The following STK4 variants were observed in gnomAD, a reference collection of about 807,000 sequenced individuals.
STK4 encodes serine/threonine kinase 4, also known as serine/threonine-protein kinase 4.
Under a neutral mutation model 64.9 loss-of-function variants are expected in STK4, and 30 were observed. That is an observed-to-expected ratio of 0.46 (90% confidence interval 0.35 to 0.63). The LOEUF (loss-of-function observed/expected upper bound fraction) is 0.63. STK4 is among the 20% of genes least tolerant of loss of function. The pLI is 0.01. For missense variants in STK4, 466 were observed against 598.5 expected, an observed-to-expected ratio of 0.78 and a Z score of 2.31; for synonymous variants, 177 against 199.0, an observed-to-expected ratio of 0.89 and a Z score of 0.93.
chr20:45,011,582 T>C (rs1360939721), intron 9 of STK4, among the ~76,000 whole-genome samples: 1 of 151,642 alleles, frequency 6.6e-6, no homozygotes, highest in Non-Finnish European at 1.5e-5. Context: ...TGTAGCATGG[T>C]ACCATGCATA....
chr20:45,041,340 T>C (rs927802048), intron 10 of STK4, among the ~76,000 whole-genome samples: 2 of 152,178 alleles, frequency 1.3e-5, no homozygotes, highest in African/African-American at 4.8e-5. Context: ...GACAAATACA[T>C]GTATGTTTGT....
At position 44,995,227 on chromosome 20, in the gene STK4, GC is replaced by G. The variant is rs749836917; in HGVS notation, c.668del (p.Pro223LeufsTer8). The G allele has an allele frequency of 6.2e-7, 1 of 1,613,356 alleles. No individual in the cohort carries two copies. The highest frequency in any genetic ancestry group is 8.5e-7 in the Non-Finnish European group (1 of 1,179,630). On this transcript the variant is annotated frameshift_variant, in exon 6 of 11. Coordinates refer to ENST00000372806, the MANE Select transcript of STK4 (RefSeq NM_006282.5). LOFTEE classifies it high-confidence loss of function. The stretch of plus-strand genomic sequence containing the variant: ...CTGCCATAGAAATGGCTGAAGGAAA[GC>G]CCCCTTATGCTGATATCCATCCAAT... The part of the protein sequence containing the change: ...ITAIEMAEGK[P>X]PYADIHPMRA...
rs1017928393 is a variant in STK4, at chr20:45,046,663, C to CT, written c.1305+21544dup. Among the ~76,000 whole-genome samples, 68 of 145,426 alleles carry CT rather than the reference C, an allele frequency of 4.7e-4. 2 individuals are homozygous for CT. The South Asian group carries it at 6.4e-3, about 14-fold the overall frequency. On this transcript the variant is annotated intron_variant, in intron 10 of 10. Coordinates refer to ENST00000372806, the MANE Select transcript of STK4 (RefSeq NM_006282.5). ...TGGGCTTTTCTGCTAATTTGCTTTT[C>CT]TTTTTTTTTTTAAATTTATTTATTT...
At chr20:44,999,913 C>T (rs558220650) in intron 7 of STK4, among the ~76,000 whole-genome samples, 1 of 152,324 alleles carries the variant, frequency 6.6e-6, no homozygotes, top group South Asian at 2.1e-4. Flanking sequence ...TTTTGCATAT[C>T]TCTTGAAAAC....
chr20:45,034,627 CA>C (rs150358455), intron 10 of STK4, among the ~76,000 whole-genome samples: 3,806 of 152,038 alleles, frequency 0.025, 139 homozygotes, highest in African/African-American at 0.082. Context: ...AAGAATAGAA[CA>C]TAGGCCAGGT....
intron 10 of STK4, among the ~76,000 whole-genome samples, chr20:45,063,421 A>G (rs887082451): frequency 6.6e-6 from 1 of 152,140 alleles, no homozygotes; most frequent in Non-Finnish European, 1.5e-5. Flanking sequence ...TCCTCTGCCC[A>G]CTTTTTAACA....
At chr20:45,027,461 A>G (rs1434224297) in intron 10 of STK4, among the ~76,000 whole-genome samples, 1 of 151,496 alleles carries the variant, frequency 6.6e-6, no homozygotes, top group Admixed American at 6.6e-5. Context: ...GAAGTTAGCA[A>G]TTTTGAAAAC....
intron 4 of STK4, among the ~76,000 whole-genome samples, chr20:44,984,985 A>G (rs2067507462): frequency 6.6e-6 from 1 of 152,048 alleles, no homozygotes; most frequent in Non-Finnish European, 1.5e-5. Context: ...ATTAAAAATT[A>G]TATTTGTGGT....
rs1015102283 is a variant in STK4, at chr20:45,075,580, C to T, written c.*404C>T. On this transcript the variant is annotated 3_prime_UTR_variant, in exon 11 of 11. Transcript: ENST00000372806. ...ATATAAATTATAAATAGATTCCCCA[C>T]GCAGTGTGGTGGCATCTCTGTACAG... The T allele has an allele frequency of 2.0e-5, 3 of 153,576 alleles. No homozygotes were observed. Among genetic ancestry groups the T allele is most frequent in the African/African-American group, 4.8e-5 (2 of 41,416 alleles). The allele number at this position is 153,576 out of a possible 1,614,324, so 9.5% of individuals were successfully genotyped here.
At chr20:45,057,756 G>A (rs1044470283) in intron 10 of STK4, among the ~76,000 whole-genome samples, 3 of 152,182 alleles carry the variant, frequency 2.0e-5, no homozygotes, top group Non-Finnish European at 4.4e-5. Context: ...TTACTGCTAG[G>A]AGTATAGTGT....
intron 2 of STK4, among the ~76,000 whole-genome samples, chr20:44,977,171 C>T (rs372426884): frequency 7.2e-5 from 11 of 152,196 alleles, no homozygotes; most frequent in African/African-American, 2.6e-4. Flanking sequence ...TCAACAGTTG[C>T]CTCTCTCTGG....
Position 45,075,475 on chromosome 20 carries a change from T to C in STK4, c.*299T>C, listed in dbSNP as rs746385066. On this transcript the variant is annotated 3_prime_UTR_variant, in exon 11 of 11. Transcript: ENST00000372806. ...GAGTGATAGCTGGGAAAGTTTTACATTGTCTGTTTTTCTTCTCCCAATAGC... is the reference window on the plus strand; with the variant it reads ...GAGTGATAGCTGGGAAAGTTTTACACTGTCTGTTTTTCTTCTCCCAATAGC... The C allele has an allele frequency of 6.0e-5, 13 of 216,352 alleles. No homozygotes were observed. The highest frequency in any genetic ancestry group is 1.0e-4 in the Admixed American group (2 of 19,090). 13.4% of individuals were successfully genotyped at this position (216,352 alleles called of 1,614,324 possible).
chr20:45,051,215 C>T (rs1410126059), intron 10 of STK4, among the ~76,000 whole-genome samples: 1 of 152,146 alleles, frequency 6.6e-6, no homozygotes, highest in Non-Finnish European at 1.5e-5. Context: ...ATGTCTTGAT[C>T]CTTTTTTTGC....
At chr20:45,053,025 G>A in intron 10 of STK4, 1 of 1,325,428 alleles carries the variant, frequency 7.5e-7, no homozygotes. Context: ...TTTAAAGTAT[G>A]TTGAGACTGA....
At chr20:45,006,079 G>A (rs1412511060) in intron 9 of STK4, among the ~76,000 whole-genome samples, 1 of 149,716 alleles carries the variant, frequency 6.7e-6, no homozygotes, top group Non-Finnish European at 1.5e-5. Flanking sequence ...TCTCTATGTT[G>A]GATTTTTTTT....
chr20:44,975,019 T>A (rs1871711751), intron 2 of STK4: 1 of 152,332 alleles, frequency 6.6e-6, no homozygotes, highest in Non-Finnish European at 1.5e-5. Flanking sequence ...TTGTACACAT[T>A]GACTCATTTG....
intron 6 of STK4, among the ~76,000 whole-genome samples, chr20:44,996,191 A>G (rs1057156821): frequency 4.6e-5 from 7 of 151,908 alleles, no homozygotes; most frequent in Admixed American, 2.0e-4. Context: ...GAGGCTGTGT[A>G]CTCTCCAACC....
chr20:45,069,319 A>G (rs2145481069), intron 10 of STK4, among the ~76,000 whole-genome samples: 1 of 152,310 alleles, frequency 6.6e-6, no homozygotes, highest in Non-Finnish European at 1.5e-5. Context: ...TCTTCAGCAA[A>G]ACCCACCTTC....
chr20:44,986,289 T>TA (rs2067529171), intron 4 of STK4, among the ~76,000 whole-genome samples: 1 of 152,056 alleles, frequency 6.6e-6, no homozygotes, highest in Non-Finnish European at 1.5e-5. Flanking sequence ...GAGGAGGTGA[T>TA]ATTTGGGCAG....
Sources: allele counts gnomAD v4.1 joint callset (sites outside exome capture counted in the v4.1 genomes callset), GRCh38; gene constraint gnomAD v4.1.1; transcripts MANE v1.5; gene names NCBI Gene and HGNC (gene_info 2026-07-23, HGNC 2026-07-21).